ARL2BP: variants seen among roughly 807,000 people sequenced by gnomAD.
ARL2BP encodes ADP-ribosylation factor-like protein 2-binding protein.
Under a neutral mutation model 24.2 loss-of-function variants are expected in ARL2BP, and 19 were observed. The ratio of observed to expected loss-of-function variants is 0.79; its 90% confidence interval spans 0.55 to 1.15. The LOEUF is 1.15. Among genes scored for constraint, ARL2BP ranks in the 50% most tolerant of loss-of-function variants. ARL2BP has a pLI of 0.00. For synonymous variants in ARL2BP, 56 were observed against 70.5 expected (o/e 0.79, Z 1.03); for missense variants, 160 against 190.4 (o/e 0.84, Z 0.94).
At position 57,252,607 on chromosome 16, in the gene ARL2BP, A is replaced by C. The variant is rs2075411921; in HGVS notation, c.*340A>C. 6.3e-6 allele frequency: 2 copies of C among 315,724 alleles called. No homozygotes were observed. The highest frequency in any genetic ancestry group is 1.2e-5 in the Non-Finnish European group (2 of 166,386). 19.6% of individuals were successfully genotyped at this position (315,724 alleles called of 1,614,324 possible). ...ACCTGCTGGTGTGTAAGTGTGGACTAACCCGCCGCCACCACCCTCTGTTCC... is the reference window on the plus strand; with the variant it reads ...ACCTGCTGGTGTGTAAGTGTGGACTCACCCGCCGCCACCACCCTCTGTTCC... On this transcript the variant is annotated 3_prime_UTR_variant, in exon 6 of 6. Coordinates refer to ENST00000219204, the MANE Select transcript of ARL2BP (RefSeq NM_012106.4).
intron 3 of ARL2BP, chr16:57,249,552 G>C (rs1291307018): frequency 8.9e-6 from 5 of 561,258 alleles, no homozygotes; most frequent in Non-Finnish European, 1.6e-5. Flanking sequence ...CCCTGTTACA[G>C]CACCATTATC....
intron 1 of ARL2BP, among the ~76,000 whole-genome samples, chr16:57,245,619 C>CG (rs2075387857): frequency 6.6e-6 from 1 of 152,102 alleles, no homozygotes; most frequent in Admixed American, 6.5e-5. Flanking sequence ...GAGTGCGAGG[C>CG]GGGTGTCACC....
intron 2 of ARL2BP, among the ~76,000 whole-genome samples, chr16:57,247,176 C>A (rs552492863): frequency 1.2e-4 from 19 of 152,250 alleles, no homozygotes; most frequent in African/African-American, 4.1e-4. Flanking sequence ...GCCCTTAACT[C>A]CTGAATATAG....
At position 57,245,390 on chromosome 16, in the gene ARL2BP, GCTTTGCGCTGT is replaced by G; in HGVS notation, c.29_38+1del. 1 of 1,607,288 alleles carries G rather than the reference GCTTTGCGCTGT, an allele frequency of 6.2e-7. No homozygotes were observed. The highest frequency in any genetic ancestry group is 8.5e-7 in the Non-Finnish European group (1 of 1,177,626). Reference sequence around the variant, plus strand: ...GCGATGGACGCCTTAGAAGGAGAGAGCTTTGCGCTGTCTTTGTGAGTAGCTCCTCCAGGGCG... The same window carrying G: ...GCGATGGACGCCTTAGAAGGAGAGAGCTTTGTGAGTAGCTCCTCCAGGGCG... On this transcript the variant is annotated frameshift_variant, in exon 1 of 6. Coordinates refer to ENST00000219204, the MANE Select transcript of ARL2BP (RefSeq NM_012106.4). LOFTEE classifies it high-confidence loss of function.
rs189428355 is a variant in ARL2BP at position 57,246,973 on chromosome 16, G to A, written c.100+832G>A. Among the ~76,000 whole-genome samples the A allele has an allele frequency of 6.6e-5, 10 of 152,318 alleles. No individual in the cohort carries two copies. The East Asian group carries it at 1.9e-3, about 29-fold the overall frequency. ...AAACCTGCTAAGTAACAGAGAAGCAGTAACAGTCCCCAGAGGTTTAAGACA... is the reference window on the plus strand; with the variant it reads ...AAACCTGCTAAGTAACAGAGAAGCAATAACAGTCCCCAGAGGTTTAAGACA... On this transcript the variant is annotated intron_variant, in intron 2 of 5. Transcript: ENST00000219204.
In ARL2BP at chr16:57,252,623, C is replaced by A. The variant is rs936333139; in HGVS notation, c.*356C>A. The A allele has an allele frequency of 4.2e-5, 12 of 285,390 alleles. No homozygotes were observed. The highest frequency in any genetic ancestry group is 6.8e-5 in the Non-Finnish European group (10 of 148,036). 17.7% of individuals were successfully genotyped at this position (285,390 alleles called of 1,614,324 possible). A position where few individuals can be genotyped will look rare whatever the true frequency, so the allele number is the denominator to read the frequency against. ...GTGTGGACTAACCCGCCGCCACCAC[C>A]CTCTGTTCCAGCAGGCTCTGCATGA... On this transcript the variant is annotated 3_prime_UTR_variant, in exon 6 of 6. Coordinates refer to ENST00000219204, the MANE Select transcript of ARL2BP (RefSeq NM_012106.4).
chr16:57,245,506 C>CGGGCT, intron 1 of ARL2BP, 101 bp downstream of exon 1: 1 of 1,470,854 alleles, frequency 6.8e-7, no homozygotes, highest in East Asian at 2.5e-5. Flanking sequence ...GGGGCCGGGC[C>CGGGCT]GGGCCGGGCC....
intron 2 of ARL2BP, among the ~76,000 whole-genome samples, chr16:57,246,789 G>A (rs1430267508): frequency 6.6e-6 from 1 of 152,204 alleles, no homozygotes; most frequent in Non-Finnish European, 1.5e-5. Flanking sequence ...GGGCGACAGA[G>A]CGAGACTCCG....
rs2045475054 is a variant in ARL2BP at position 57,252,332 on chromosome 16, G to T, written c.*65G>T. 1.2e-6 allele frequency: 2 copies of T among 1,613,138 alleles called. No homozygotes were observed. Among genetic ancestry groups the T allele is most frequent in the Non-Finnish European group, 1.7e-6 (2 of 1,179,808 alleles). On this transcript the variant is annotated 3_prime_UTR_variant, in exon 6 of 6. Coordinates refer to ENST00000219204, the MANE Select transcript of ARL2BP (RefSeq NM_012106.4). ...CACCAGCCCAATAGGCTCAGCTCAT[G>T]ATGACAGAACACATCTTGGAAAGAC...
chr16:57,250,703 A>G, intron 5 of ARL2BP, 196 bp downstream of exon 5: 1 of 585,698 alleles, frequency 1.7e-6, no homozygotes, highest in East Asian at 2.8e-5. Flanking sequence ...CCAGGTACCA[A>G]CTTAGAGTTC....
At chr16:57,246,219 T>TA in intron 2 of ARL2BP, 78 bp downstream of exon 2, 5 of 1,419,702 alleles carry the variant, frequency 3.5e-6, no homozygotes, top group Non-Finnish European at 4.9e-6. Flanking sequence ...GAGTTAATTT[T>TA]AAAAAGAGAA....
intron 3 of ARL2BP, 36 bp downstream of exon 3, chr16:57,248,679 G>C: frequency 1.5e-6 from 2 of 1,304,598 alleles, no homozygotes; most frequent in Non-Finnish European, 2.1e-6. Flanking sequence ...CAGGAGGTCA[G>C]AGTTTTTAAA....
At chr16:57,245,823 T>C in intron 1 of ARL2BP, 1 of 559,590 alleles carries the variant, frequency 1.8e-6, no homozygotes, top group South Asian at 2.2e-5. Flanking sequence ...TATGGGGTGA[T>C]AGCTAAGAGC....
intron 1 of ARL2BP, 105 bp from the exon 2 acceptor site, chr16:57,245,975 T>G: frequency 8.9e-7 from 1 of 1,123,990 alleles, no homozygotes; most frequent in Non-Finnish European, 1.3e-6. Context: ...GGGAAGTTCG[T>G]TTTGCTACTC....
chr16:57,246,688 CA>C (rs1369269262), intron 2 of ARL2BP, among the ~76,000 whole-genome samples: 1 of 152,142 alleles, frequency 6.6e-6, no homozygotes, highest in African/African-American at 2.4e-5. Context: ...CCTGTAGTCC[CA>C]GCTACTCAGG....
intron 2 of ARL2BP, among the ~76,000 whole-genome samples, chr16:57,246,791 G>A (rs1221482857): frequency 1.3e-5 from 2 of 152,292 alleles, no homozygotes; most frequent in African/African-American, 4.8e-5. Context: ...GCGACAGAGC[G>A]AGACTCCGTC....
At chr16:57,249,958 T>C in intron 4 of ARL2BP, 106 bp downstream of exon 4, 2 of 1,053,738 alleles carry the variant, frequency 1.9e-6, no homozygotes, top group Admixed American at 1.8e-5. Flanking sequence ...GTGCATGCCG[T>C]TGGTGGTTAG....
Position 57,252,038 on chromosome 16 carries a change from C to T in ARL2BP, c.391-128C>T, listed in dbSNP as rs2075409841. ...AGCAGAAATGCAGAATAACCAATAA[C>T]CTGTGTTCCCTTCCTATGTACTCTG... is the stretch of plus-strand genomic sequence containing the variant. On this transcript the variant is annotated intron_variant, in intron 5 of 5. Transcript: ENST00000219204. The T allele has an allele frequency of 1.7e-5, 12 of 701,112 alleles. No individual in the cohort carries two copies. The South Asian group carries it at 2.2e-4, about 13-fold the overall frequency. The allele number at this position is 701,112 out of a possible 1,614,324, so 43.4% of individuals were successfully genotyped here. A position where few individuals can be genotyped will look rare whatever the true frequency, so the allele number is the denominator to read the frequency against.
chr16:57,246,226 A>T (rs2075390099), intron 2 of ARL2BP, 85 bp downstream of exon 2: 1 of 1,346,880 alleles, frequency 7.4e-7, no homozygotes, highest in African/African-American at 1.5e-5. Context: ...TTTTAAAAAG[A>T]GAAAACATCA....
Sources: allele counts gnomAD v4.1 joint callset (sites outside exome capture counted in the v4.1 genomes callset), GRCh38; gene constraint gnomAD v4.1.1; transcripts MANE v1.5; gene names NCBI Gene and HGNC (gene_info 2026-07-23, HGNC 2026-07-21).